PTPRD: variants seen among roughly 807,000 people sequenced by gnomAD.
PTPRD encodes protein tyrosine phosphatase receptor type D, also known as receptor-type tyrosine-protein phosphatase delta.
Under a neutral mutation model 214.5 loss-of-function variants are expected in PTPRD, and 34 were observed. The observed-to-expected ratio is 0.16, with a 90% CI of 0.12 to 0.21. The LOEUF is 0.21. PTPRD is among the 10% of genes least tolerant of loss of function. PTPRD has a pLI of 1.00. For synonymous variants in PTPRD, 1,128 were observed against 845.7 expected (o/e 1.33, Z -5.79); for missense variants, 2,545 against 2,398.7 (o/e 1.06, Z -1.27).
intron 10 of PTPRD, among the ~76,000 whole-genome samples, chr9:9,052,169 A>G (rs2099687119): frequency 6.6e-6 from 1 of 152,150 alleles, no homozygotes; most frequent in Non-Finnish European, 1.5e-5. Context: ...CCCACATGGC[A>G]GAAGGGGCAA....
chr9:10,611,830 C>T (rs937950279), intron 2 of PTPRD, among the ~76,000 whole-genome samples: 1 of 152,124 alleles, frequency 6.6e-6, no homozygotes, highest in Non-Finnish European at 1.5e-5. Context: ...TTATTATCTC[C>T]TTACAGGCAT....
rs746952252 is a variant in PTPRD at position 8,523,530 on chromosome 9, G to A, written c.680-6C>T. 6.2e-6 allele frequency: 10 copies of A among 1,613,024 alleles called. No individual in the cohort carries two copies. The highest frequency in any genetic ancestry group is 4.4e-5 in the South Asian group (4 of 91,008). On this transcript the variant is annotated splice_polypyrimidine_tract_variant and splice_region_variant and intron_variant, in intron 18 of 45. Coordinates refer to ENST00000381196, the MANE Select transcript of PTPRD (RefSeq NM_002839.4). ...ACACCAACCTTCTCGCAGCTCTGAG[G>A]GATGTAGGGGGTTTGATGCAGAACA...
chr9:8,593,044 G>C (rs1278034950), intron 14 of PTPRD, among the ~76,000 whole-genome samples: 1 of 152,198 alleles, frequency 6.6e-6, no homozygotes, highest in Non-Finnish European at 1.5e-5. Flanking sequence ...TAGGGGAACA[G>C]CAAAAGACAA....
At chr9:10,317,433 G>C (rs2096462964) in intron 3 of PTPRD, among the ~76,000 whole-genome samples, 1 of 151,732 alleles carries the variant, frequency 6.6e-6, no homozygotes, top group Non-Finnish European at 1.5e-5. Flanking sequence ...AAACAAATTT[G>C]GCAGTTTTGA....
At chr9:8,771,591 T>A (rs1020174797) in intron 11 of PTPRD, among the ~76,000 whole-genome samples, 1 of 152,178 alleles carries the variant, frequency 6.6e-6, no homozygotes, top group African/African-American at 2.4e-5. Context: ...GGTTTGTCAC[T>A]TGGAGATTTG....
At chr9:8,958,081 T>C (rs1485856865) in intron 11 of PTPRD, among the ~76,000 whole-genome samples, 1 of 151,868 alleles carries the variant, frequency 6.6e-6, no homozygotes, top group Admixed American at 6.6e-5. Context: ...TCAATAATCT[T>C]TATTTTAATT....
At chr9:9,454,617 C>T (rs2092725944) in intron 8 of PTPRD, among the ~76,000 whole-genome samples, 1 of 151,614 alleles carries the variant, frequency 6.6e-6, no homozygotes. Flanking sequence ...AAAGAAATTT[C>T]TCACATGCCA....
intron 12 of PTPRD, among the ~76,000 whole-genome samples, chr9:8,709,838 A>G (rs16928304): frequency 0.067 from 10,136 of 152,282 alleles, 415 homozygotes; most frequent in Middle Eastern, 0.12. Context: ...TGCTAAGGGA[A>G]AGGTAAATAG....
intron 8 of PTPRD, among the ~76,000 whole-genome samples, chr9:9,556,918 C>G (rs1013878183): frequency 5.3e-5 from 8 of 152,120 alleles, no homozygotes; most frequent in African/African-American, 1.4e-4. Flanking sequence ...TTCAATTCTA[C>G]TGTAGAAAAG....
chr9:9,624,490 G>A (rs1214307167), intron 7 of PTPRD, among the ~76,000 whole-genome samples: 1 of 151,926 alleles, frequency 6.6e-6, no homozygotes, highest in African/African-American at 2.4e-5. Context: ...TTTTTGCCAT[G>A]TTGGCCAGGC....
intron 9 of PTPRD, among the ~76,000 whole-genome samples, chr9:9,216,928 T>C (rs373635912): frequency 2.0e-4 from 30 of 152,202 alleles, no homozygotes; most frequent in Non-Finnish European, 3.7e-4. Context: ...GAATTATTTC[T>C]ATTTTTTTTC....
intron 3 of PTPRD, among the ~76,000 whole-genome samples, chr9:10,094,647 T>C (rs1231449861): frequency 2.7e-5 from 4 of 150,516 alleles, no homozygotes; most frequent in African/African-American, 9.7e-5. Context: ...AGACATAGCA[T>C]ATCTATAATC....
chr9:8,330,958 C>CAAAAACACTAAATTTAT (rs1390608836), intron 44 of PTPRD, among the ~76,000 whole-genome samples: 6 of 151,242 alleles, frequency 4.0e-5, no homozygotes, highest in Non-Finnish European at 8.8e-5. Context: ...TAGCAACTTC[C>CAAAAACACTAAATTTAT]AAAAACACTA....
At chr9:10,511,131 G>A (rs1325591023) in intron 2 of PTPRD, among the ~76,000 whole-genome samples, 1 of 152,096 alleles carries the variant, frequency 6.6e-6, no homozygotes, top group Non-Finnish European at 1.5e-5. Flanking sequence ...CCAGTGTATG[G>A]AATGGATGTG....
In PTPRD at chr9:8,848,544, T is replaced by C. The variant is rs927830783; in HGVS notation, c.-103-114598A>G. 1.5e-4 allele frequency among the ~76,000 whole-genome samples: 22 copies of C among 150,018 alleles called. No individual in the cohort carries two copies. The Admixed American group carries it at 1.5e-3, about 10-fold the overall frequency. ...TTTTTTGGTAGAGACAGGGTCTTGC[T>C]ATGTTGCCCAGGCTGGTCTTAAACT... On this transcript the variant is annotated intron_variant, in intron 11 of 45. Coordinates refer to ENST00000381196, the MANE Select transcript of PTPRD (RefSeq NM_002839.4).
intron 5 of PTPRD, among the ~76,000 whole-genome samples, chr9:9,850,861 C>T (rs992646846): frequency 6.6e-6 from 1 of 152,116 alleles, no homozygotes; most frequent in African/African-American, 2.4e-5. Context: ...CTGATAATCA[C>T]CATTTTACTC....
intron 11 of PTPRD, among the ~76,000 whole-genome samples, chr9:8,935,913 T>A (rs2098993632): frequency 6.6e-6 from 1 of 152,142 alleles, no homozygotes; most frequent in Non-Finnish European, 1.5e-5. Context: ...CTCCAAATAT[T>A]GCTGGAAGTC....
rs572204250 is a variant in PTPRD at position 10,007,573 on chromosome 9, T to C, written c.-472+26145A>G. 2.0e-5 allele frequency among the ~76,000 whole-genome samples: 3 copies of C among 152,126 alleles called. No individual in the cohort carries two copies. In the South Asian group the frequency reaches 6.2e-4, roughly 31 times the overall value. ...GAGCTGAACCATATGATCTCACGAA[T>C]GCCTTCTGGTCATATGGTTCCATTT... is the stretch of plus-strand genomic sequence containing the variant. On this transcript the variant is annotated intron_variant, in intron 4 of 45. Transcript: ENST00000381196.
At chr9:10,438,595 A>C (rs1046187017) in intron 2 of PTPRD, among the ~76,000 whole-genome samples, 2 of 151,544 alleles carry the variant, frequency 1.3e-5, no homozygotes, top group African/African-American at 4.8e-5. Flanking sequence ...TATAATAATT[A>C]TTGTTTTTGT....
Sources: gnomAD v4.1 joint callset for allele counts (sites outside exome capture counted in the v4.1 genomes callset) on GRCh38, gnomAD v4.1.1 for gene constraint, MANE v1.5 for transcripts, NCBI Gene and HGNC (gene_info 2026-07-23, HGNC 2026-07-21) for gene names.